TDG: variants seen among roughly 807,000 people sequenced by gnomAD.
TDG encodes thymine DNA glycosylase.
TDG carries 23 observed loss-of-function variants against 46.1 expected under a neutral mutation model. The ratio of observed to expected loss-of-function variants is 0.50; its 90% CI spans 0.36 to 0.71. TDG has a LOEUF of 0.71. Among genes scored for constraint, TDG ranks in the 30% least tolerant of loss-of-function variants. TDG has a pLI of 0.00. For synonymous variants in TDG, 115 were observed against 161.3 expected (o/e 0.71, Z 2.18); for missense variants, 304 against 486.7 (o/e 0.62, Z 3.53).
At chr12:103,973,057 A>G (rs1395391084) in intron 1 of TDG, 3 of 700,070 alleles carry the variant, frequency 4.3e-6, no homozygotes, top group Middle Eastern at 2.3e-4. Flanking sequence ...CTTCCTGACC[A>G]TGTGACAGAG....
intron 1 of TDG, among the ~76,000 whole-genome samples, chr12:103,968,430 T>G (rs962190274): frequency 3.3e-5 from 5 of 152,098 alleles, no homozygotes; most frequent in Non-Finnish European, 5.9e-5. Context: ...ACAAGAAGAA[T>G]AAAAAAGATT....
chr12:103,971,565 A>G (rs1386362168), intron 1 of TDG, among the ~76,000 whole-genome samples: 1 of 152,144 alleles, frequency 6.6e-6, no homozygotes, highest in Non-Finnish European at 1.5e-5. Flanking sequence ...CAAAAACCAA[A>G]CAAACAAAAA....
chr12:103,974,425 T>C (rs1871423477), intron 1 of TDG, among the ~76,000 whole-genome samples: 1 of 152,234 alleles, frequency 6.6e-6, no homozygotes, highest in African/African-American at 2.4e-5. Flanking sequence ...TGTCAGCATG[T>C]ACCACCATGC....
At chr12:103,984,484 C>T (rs1457607609) in intron 7 of TDG, among the ~76,000 whole-genome samples, 1 of 152,110 alleles carries the variant, frequency 6.6e-6, no homozygotes, top group South Asian at 2.1e-4. Flanking sequence ...ATCCCAGCTA[C>T]GTAGGAGGCT....
chr12:103,980,907 G>C lies in TDG; in HGVS notation c.423G>C (p.Pro141=). The stretch of plus-strand genomic sequence containing the variant: ...TTGTTTTATAGATTGGCATAAACCC[G>C]GGACTAATGGCTGCTTACAAAGGGC... ...NLDIVIIGIN[P]GLMAAYKGHH... is the part of the protein sequence containing the mutation. Residue 141 remains proline (P), a synonymous_variant, in exon 4 of 10, where the codon CCG becomes CCC. Coordinates refer to ENST00000392872, the MANE Select transcript of TDG (RefSeq NM_003211.6). The C allele has an allele frequency of 6.2e-7, 1 of 1,613,626 alleles. No individual in the cohort carries two copies. The highest frequency in any genetic ancestry group is 8.5e-7 in the Non-Finnish European group (1 of 1,179,896).
chr12:103,970,284 C>A (rs915912862), intron 1 of TDG, among the ~76,000 whole-genome samples: 1 of 152,066 alleles, frequency 6.6e-6, no homozygotes, highest in Admixed American at 6.6e-5. Context: ...TCAAGACTAG[C>A]CTGGGCAACA....
chr12:103,971,442 G>A (rs1443215573), intron 1 of TDG, among the ~76,000 whole-genome samples: 1 of 152,112 alleles, frequency 6.6e-6, no homozygotes, highest in Non-Finnish European at 1.5e-5. Context: ...TGTAATCCCA[G>A]CTACTCAGGA....
At chr12:103,966,317 A>G (rs1009133868) in intron 1 of TDG, among the ~76,000 whole-genome samples, 2 of 152,120 alleles carry the variant, frequency 1.3e-5, no homozygotes, top group Admixed American at 6.5e-5. Flanking sequence ...TTGACTATAA[A>G]ATATATTAGT....
Position 103,984,935 on chromosome 12 carries a change from T to A in TDG, c.964+15T>A. ...GCTTGCCCAAGGTATGTTACTGTCC[T>A]CATTCCTTTTATTCATTTTGTGTGT... On this transcript the variant is annotated intron_variant, in intron 8 of 9. Transcript: ENST00000392872. 7.3e-7 allele frequency: 1 copy of A among 1,373,542 alleles called. No homozygotes were observed. The highest frequency in any genetic ancestry group is 9.7e-7 in the Non-Finnish European group (1 of 1,033,064). The allele number at this position is 1,373,542 out of a possible 1,614,324, so 85.1% of individuals were successfully genotyped here. A position where few individuals can be genotyped will look rare whatever the true frequency, so the allele number is the denominator to read the frequency against.
chr12:103,985,034 C>A, intron 8 of TDG, 114 bp downstream of exon 8: 1 of 687,558 alleles, frequency 1.5e-6, no homozygotes, highest in Non-Finnish European at 2.1e-6. Context: ...CATATGTGTG[C>A]ACATATATGC....
chr12:103,966,385 G>A (rs908402388), intron 1 of TDG, among the ~76,000 whole-genome samples: 44 of 152,146 alleles, frequency 2.9e-4, no homozygotes, highest in African/African-American at 9.2e-4. Context: ...TGGCTAGAAG[G>A]GTTTTCCGTC....
intron 2 of TDG, among the ~76,000 whole-genome samples, chr12:103,979,243 C>G (rs924325241): frequency 6.6e-6 from 1 of 151,272 alleles, no homozygotes; most frequent in Non-Finnish European, 1.5e-5. Flanking sequence ...GTTGGAATTA[C>G]AGGTGCACGA....
rs749331376 is a variant in TDG at position 103,987,110 on chromosome 12, T to A, written c.*20T>A. On this transcript the variant is annotated 3_prime_UTR_variant, in exon 10 of 10. Transcript: ENST00000392872. Reference sequence around the variant, plus strand: ...GCTTAAGAATGGTGCTTCTCAGCTCTGCTTAAATGCTGCAGTTTTAATGCA... The same window carrying A: ...GCTTAAGAATGGTGCTTCTCAGCTCAGCTTAAATGCTGCAGTTTTAATGCA... The A allele has an allele frequency of 2.3e-5, 37 of 1,607,918 alleles. No individual in the cohort carries two copies. Among genetic ancestry groups the A allele is most frequent in the Non-Finnish European group, 3.1e-5 (36 of 1,175,776 alleles).
intron 1 of TDG, among the ~76,000 whole-genome samples, chr12:103,970,404 G>C (rs1871238191): frequency 6.6e-6 from 1 of 152,176 alleles, no homozygotes; most frequent in Non-Finnish European, 1.5e-5. Context: ...TCTGAGCCCA[G>C]GTGTGTGTGG....
rs745328726 is a variant in TDG at position 103,966,018 on chromosome 12, C to G, written c.-20C>G. ...CGTGTGCCCGGCAGGTGGAGCCGCC[C>G]GCATCAGCGGCCTCGGGGAATGGAA... On this transcript the variant is annotated 5_prime_UTR_variant, in exon 1 of 10. Coordinates refer to ENST00000392872, the MANE Select transcript of TDG (RefSeq NM_003211.6). 6.3e-7 allele frequency: 1 copy of G among 1,594,988 alleles called. No individual in the cohort carries two copies. Among genetic ancestry groups the G allele is most frequent in the East Asian group, 2.3e-5 (1 of 43,684 alleles).
rs142710697 is a variant in TDG at position 103,976,059 on chromosome 12, C to CAA, written c.24-849_24-848dup. ...GGACACATTCAAACCATAGCAGTGG[C>CAA]AAAAAAAAAAAGCCCTAGCCCCAAC... On this transcript the variant is annotated intron_variant, in intron 1 of 9. Coordinates refer to ENST00000392872, the MANE Select transcript of TDG (RefSeq NM_003211.6). 8.4e-5 allele frequency among the ~76,000 whole-genome samples: 12 copies of CAA among 142,350 alleles called. 1 individual carries two copies. The highest frequency in any genetic ancestry group is 1.8e-4 in the African/African-American group (7 of 38,104). The allele number at this position is 142,350 out of a possible 152,430, so 93.4% of individuals were successfully genotyped here.
At chr12:103,976,426 A>AAC (rs955258731) in intron 1 of TDG, among the ~76,000 whole-genome samples, 70 of 152,222 alleles carry the variant, frequency 4.6e-4, no homozygotes, top group Non-Finnish European at 9.3e-4. Context: ...ACACACACAC[A>AAC]CACACACACA....
rs1239930302 is a variant in TDG, at chr12:103,983,321, G to A, written c.724G>A (p.Val242Ile). The A allele has an allele frequency of 6.3e-7, 1 of 1,595,984 alleles. No individual in the cohort carries two copies. Reference protein sequence around the residue: ...KCIYEIFSKEVFGVKVKNLEF... With the variant: ...KCIYEIFSKEIFGVKVKNLEF... ...TATTTATGAAATTTTTAGTAAAGAA[G>A]TTTTTGGAGTAAAGGTTAAGAACTT... The change falls in exon 7 of 10, where the codon GTT becomes ATT. Residue 242 changes from valine (V) to isoleucine (I), a missense_variant. Val to Ile is a conservative substitution (Grantham distance 29, BLOSUM62 3). Transcript: ENST00000392872.
chr12:103,967,716 C>T (rs1301465823), intron 1 of TDG: 1 of 151,956 alleles, frequency 6.6e-6, no homozygotes, highest in Non-Finnish European at 1.5e-5. Context: ...CTCGGCCTCC[C>T]AAAGTGCTAG....
Sources: gnomAD v4.1 joint callset for allele counts (sites outside exome capture counted in the v4.1 genomes callset) on GRCh38, gnomAD v4.1.1 for gene constraint, MANE v1.5 for transcripts, NCBI Gene and HGNC (gene_info 2026-07-23, HGNC 2026-07-21) for gene names.